SHISA9: variants seen among roughly 807,000 people sequenced by gnomAD.
SHISA9 encodes the protein shisa family member 9, also known as protein shisa-9.
Under a neutral mutation model 38.0 loss-of-function variants are expected in SHISA9, and 13 were observed. That is an observed-to-expected ratio of 0.34 (90% CI 0.22 to 0.54). The LOEUF (loss-of-function observed/expected upper bound fraction) is 0.54, where lower values mean the gene tolerates loss of function less well. Among genes scored for constraint, SHISA9 ranks in the 20% least tolerant of loss-of-function variants. SHISA9 has a pLI of 0.91. For missense variants in SHISA9, 538 were observed against 575.8 expected (o/e 0.93, Z 0.67); for synonymous variants, 275 against 242.0 (o/e 1.14, Z -1.27).
chr16:13,210,409 G>T (rs570187220), intron 3 of SHISA9, among the ~76,000 whole-genome samples: 7 of 152,186 alleles, frequency 4.6e-5, no homozygotes, highest in South Asian at 2.1e-4. Flanking sequence ...TTGATAAAAT[G>T]CTGCGTCACT....
At chr16:13,146,500 C>G (rs1377358785) in intron 2 of SHISA9, among the ~76,000 whole-genome samples, 2 of 152,126 alleles carry the variant, frequency 1.3e-5, no homozygotes, top group African/African-American at 4.8e-5. Context: ...CTCAAGCATT[C>G]ATCCTTTCTT....
At chr16:13,119,121 G>A (rs1027347941) in intron 2 of SHISA9, among the ~76,000 whole-genome samples, 2 of 152,014 alleles carry the variant, frequency 1.3e-5, no homozygotes, top group Non-Finnish European at 2.9e-5. Context: ...GCCCACTTCG[G>A]CCTCCCAAAG....
chr16:13,510,794 T>G, the SHISA9 span, among the ~76,000 whole-genome samples: 1 of 152,068 alleles, frequency 6.6e-6, no homozygotes, highest in African/African-American at 2.4e-5. Context: ...TTTCTGGGTT[T>G]TTTTTTTGTA....
rs1474350864 is a variant in SHISA9, at chr16:13,107,512, CACA to C, written c.692-95881_692-95879del. ...ACACACACACACACACACACACACA[CACA>C]GAGTTAACTTAACTTTAGTTCTAGC... is the stretch of plus-strand genomic sequence containing the variant. On this transcript the variant is annotated intron_variant, in intron 2 of 4. Transcript: ENST00000558583. 6.9e-5 allele frequency among the ~76,000 whole-genome samples: 9 copies of C among 131,110 alleles called. No homozygotes were observed. In the East Asian group the frequency reaches 1.8e-3, roughly 27 times the overall value. 86.0% of individuals were successfully genotyped at this position (131,110 alleles called of 152,430 possible).
intron 2 of SHISA9, among the ~76,000 whole-genome samples, chr16:12,951,729 C>A (rs2071760403): frequency 1.3e-5 from 2 of 152,136 alleles, no homozygotes; most frequent in Admixed American, 1.3e-4. Flanking sequence ...GAGAAGAATT[C>A]TTTTTCCAGT....
intron 2 of SHISA9, among the ~76,000 whole-genome samples, chr16:12,917,543 T>C (rs950590233): frequency 6.6e-6 from 1 of 152,216 alleles, no homozygotes; most frequent in Non-Finnish European, 1.5e-5. Flanking sequence ...AGATTTTCTT[T>C]CCTTTCAAAG....
intron 2 of SHISA9, among the ~76,000 whole-genome samples, chr16:12,961,536 G>A (rs1264123697): frequency 6.6e-6 from 1 of 152,128 alleles, no homozygotes; most frequent in African/African-American, 2.4e-5. Flanking sequence ...ACAGAAAAAG[G>A]ATGTGTCTGT....
At chr16:13,089,805 G>T (rs1596640921) in intron 2 of SHISA9, among the ~76,000 whole-genome samples, 1 of 152,000 alleles carries the variant, frequency 6.6e-6, no homozygotes, top group African/African-American at 2.4e-5. Flanking sequence ...ATCTCTTTCA[G>T]TTCTGCTCTG....
the SHISA9 span, among the ~76,000 whole-genome samples, chr16:13,335,096 A>G: frequency 6.6e-6 from 1 of 152,354 alleles, no homozygotes; most frequent in South Asian, 2.1e-4. Context: ...TGGTTGGATT[A>G]GGGTTCTGTC....
intron 2 of SHISA9, among the ~76,000 whole-genome samples, chr16:13,163,929 A>G (rs1182695979): frequency 1.3e-5 from 2 of 152,050 alleles, no homozygotes; most frequent in Non-Finnish European, 2.9e-5. Flanking sequence ...GCAAATAAAC[A>G]CAGTATTAAT....
At chr16:13,004,951 A>AAAAAAAG (rs1555453902) in intron 2 of SHISA9, among the ~76,000 whole-genome samples, 15,473 of 81,730 alleles carry the variant, frequency 0.19, 1,300 homozygotes, top group African/African-American at 0.42. Context: ...AAGAAAAAAA[A>AAAAAAAG]AAAAAAAGAA....
chr16:13,004,616 A>G (rs1017121547), intron 2 of SHISA9, among the ~76,000 whole-genome samples: 3 of 152,068 alleles, frequency 2.0e-5, no homozygotes, highest in African/African-American at 7.2e-5. Flanking sequence ...GGAGGGATAG[A>G]CAAGATGGTG....
Position 13,081,567 on chromosome 16 carries a change from A to G in SHISA9, c.692-121827A>G, listed in dbSNP as rs1022750812. ...TTTTTTTTTTGATCCGAGGTAGCCAATGTGTGCATTCCCTCCTCCTCCACC... is the reference window on the plus strand; with the variant it reads ...TTTTTTTTTTGATCCGAGGTAGCCAGTGTGTGCATTCCCTCCTCCTCCACC... On this transcript the variant is annotated intron_variant, in intron 2 of 4. Coordinates refer to ENST00000558583, the MANE Select transcript of SHISA9 (RefSeq NM_001145204.3). 2.6e-5 allele frequency among the ~76,000 whole-genome samples: 4 copies of G among 152,096 alleles called. 1 individual carries two copies. Among genetic ancestry groups the G allele is most frequent in the Admixed American group, 1.3e-4 (2 of 15,264 alleles).
intron 2 of SHISA9, among the ~76,000 whole-genome samples, chr16:12,950,209 T>G (rs1374624616): frequency 1.3e-5 from 2 of 152,258 alleles, no homozygotes; most frequent in African/African-American, 4.8e-5. Flanking sequence ...TTCATTCTTT[T>G]TAATGGCTGA....
intron 4 of SHISA9, among the ~76,000 whole-genome samples, chr16:13,227,405 CAAGAG>C (rs967898285): frequency 2.0e-5 from 3 of 152,154 alleles, no homozygotes; most frequent in Non-Finnish European, 4.4e-5. Flanking sequence ...AGTTGTGCTG[CAAGAG>C]AAGAGGAGAA....
chr16:12,997,326 A>T (rs895490958), intron 2 of SHISA9, among the ~76,000 whole-genome samples: 2 of 151,066 alleles, frequency 1.3e-5, no homozygotes, highest in Non-Finnish European at 2.9e-5. Flanking sequence ...TTTATTGCTG[A>T]GTAGTATTCC....
At chr16:13,491,196 G>T in the SHISA9 span, among the ~76,000 whole-genome samples, 4 of 152,092 alleles carry the variant, frequency 2.6e-5, no homozygotes, top group African/African-American at 4.8e-5. Flanking sequence ...TTTGTTCTTT[G>T]CCATGGCTTT....
chr16:13,419,960 C>T, the SHISA9 span, among the ~76,000 whole-genome samples: 1 of 152,064 alleles, frequency 6.6e-6, no homozygotes, highest in Non-Finnish European at 1.5e-5. Context: ...AAGTTGTTTG[C>T]TCAAGCTGGG....
At chr16:13,385,049 A>G in the SHISA9 span, among the ~76,000 whole-genome samples, 5 of 152,338 alleles carry the variant, frequency 3.3e-5, no homozygotes, top group African/African-American at 1.2e-4. Flanking sequence ...GAAGATATGC[A>G]TGAAAAAGAA....
Sources: allele counts gnomAD v4.1 joint callset (sites outside exome capture counted in the v4.1 genomes callset), GRCh38; gene constraint gnomAD v4.1.1; transcripts MANE v1.5; gene names NCBI Gene and HGNC (gene_info 2026-07-23, HGNC 2026-07-21).